The following CCDC102B variants were observed in gnomAD, a reference collection of about 807,000 sequenced individuals.
CCDC102B encodes coiled-coil domain-containing protein 102B.
A neutral mutation model predicts 57.4 loss-of-function variants in CCDC102B; 75 were observed. The ratio of observed to expected loss-of-function variants is 1.31; its 90% confidence interval spans 1.08 to 1.58. The LOEUF (loss-of-function observed/expected upper bound fraction) is 1.58, where lower values mean the gene tolerates loss of function less well. CCDC102B is among the 40% of genes most tolerant of loss of function. CCDC102B has a pLI of 0.00. For synonymous variants in CCDC102B, 206 were observed against 201.9 expected (o/e 1.02, Z -0.17); for missense variants, 636 against 582.6 (o/e 1.09, Z -0.94).
At chr18:68,921,339 C>T (rs1277445221) in intron 6 of CCDC102B, among the ~76,000 whole-genome samples, 2 of 152,028 alleles carry the variant, frequency 1.3e-5, no homozygotes, top group Non-Finnish European at 2.9e-5. Flanking sequence ...AGAGGAGTTT[C>T]CCCACACAAG....
At chr18:68,846,121 G>A (rs1455170654) in intron 3 of CCDC102B, among the ~76,000 whole-genome samples, 192 bp from the exon 4 acceptor site, 1 of 151,770 alleles carries the variant, frequency 6.6e-6, no homozygotes, top group Admixed American at 6.6e-5. Flanking sequence ...AAAGTTAATT[G>A]TCAGAATAAT....
intron 2 of CCDC102B, among the ~76,000 whole-genome samples, chr18:68,773,818 A>G (rs1239256270): frequency 6.6e-6 from 1 of 151,996 alleles, no homozygotes; most frequent in Non-Finnish European, 1.5e-5. Flanking sequence ...AAATGGTATG[A>G]CTGATTTCTT....
At chr18:68,930,638 C>T (rs2041638591) in intron 6 of CCDC102B, among the ~76,000 whole-genome samples, 1 of 151,894 alleles carries the variant, frequency 6.6e-6, no homozygotes, top group South Asian at 2.1e-4. Flanking sequence ...CTATACTCTT[C>T]ACAAAGCCAG....
chr18:68,752,817 T>G (rs1190402800), intron 2 of CCDC102B, among the ~76,000 whole-genome samples: 1 of 152,174 alleles, frequency 6.6e-6, no homozygotes. Context: ...GGTCTGTAGC[T>G]TTATCTTAAT....
At position 68,836,814 on chromosome 18, in the gene CCDC102B, G is replaced by T; in HGVS notation, c.51G>T (p.Gln17His). 6.2e-7 allele frequency: 1 copy of T among 1,613,838 alleles called. No homozygotes were observed. The highest frequency in any genetic ancestry group is 8.5e-7 in the Non-Finnish European group (1 of 1,179,880). The part of the protein sequence containing the change: ...HRLIEETQIF[Q>H]MQQSSIKSRG... ...TAATTGAGGAAACACAGATCTTCCA[G>T]ATGCAACAATCATCAATTAAGTCAC... Residue 17 changes from glutamine (Q) to histidine (H), a missense_variant, in exon 2 of 8, where the codon CAG becomes CAT. Coordinates refer to ENST00000360242, the MANE Select transcript of CCDC102B (RefSeq NM_024781.3).
At chr18:68,715,376 C>G in intron 1 of CCDC102B, 1 of 480,550 alleles carries the variant, frequency 2.1e-6, no homozygotes, top group African/African-American at 2.1e-5. Flanking sequence ...GCTCTGACGA[C>G]GCACTTGCAG....
chr18:68,975,227 C>T (rs2050403534), intron 6 of CCDC102B, among the ~76,000 whole-genome samples: 1 of 152,036 alleles, frequency 6.6e-6, no homozygotes. Flanking sequence ...GTAAATTTTC[C>T]ATGCCCTTTT....
At chr18:68,808,729 T>C (rs62100040) in intron 1 of CCDC102B, among the ~76,000 whole-genome samples, 37,158 of 151,958 alleles carry the variant, frequency 0.24, 4,969 homozygotes, top group East Asian at 0.51. Context: ...CCGCCCACCT[T>C]GGCCTCCCAA....
chr18:68,805,376 G>T (rs1458765501), intron 1 of CCDC102B, among the ~76,000 whole-genome samples: 1 of 152,112 alleles, frequency 6.6e-6, no homozygotes, highest in Non-Finnish European at 1.5e-5. Context: ...GATAGCAATG[G>T]GTGTGTTTTC....
At chr18:69,014,951 A>G (rs28462150) in intron 7 of CCDC102B, among the ~76,000 whole-genome samples, 18,504 of 138,078 alleles carry the variant, frequency 0.13, 2,665 homozygotes, top group African/African-American at 0.37. Context: ...ACTATACTGT[A>G]TGTGAATGAG....
intron 6 of CCDC102B, among the ~76,000 whole-genome samples, chr18:68,944,875 C>T (rs934309025): frequency 6.6e-6 from 1 of 151,956 alleles, no homozygotes; most frequent in South Asian, 2.1e-4. Flanking sequence ...AATAGAACAA[C>T]ATTCTTGACC....
chr18:69,037,443 C>T (rs953105411), intron 7 of CCDC102B, among the ~76,000 whole-genome samples: 6 of 151,910 alleles, frequency 3.9e-5, no homozygotes, highest in East Asian at 1.9e-4. Context: ...CTAATGAAAA[C>T]GACATCTGTC....
At chr18:68,899,425 C>CTATA (rs142222036) in intron 6 of CCDC102B, among the ~76,000 whole-genome samples, 2,265 of 146,812 alleles carry the variant, frequency 0.015, 43 homozygotes, top group East Asian at 0.079. Context: ...TACCATGGTG[C>CTATA]TATATATATA....
At chr18:69,037,048 CACACAT>C (rs1303680125) in intron 7 of CCDC102B, among the ~76,000 whole-genome samples, 1 of 149,132 alleles carries the variant, frequency 6.7e-6, no homozygotes. Context: ...CACACACACA[CACACAT>C]ACATACATAT....
intron 4 of CCDC102B, among the ~76,000 whole-genome samples, chr18:68,852,753 A>G (rs1252179671): frequency 9.9e-5 from 15 of 152,174 alleles, no homozygotes; most frequent in Non-Finnish European, 2.1e-4. Flanking sequence ...TGTAGAAAAG[A>G]TATTGTGCTT....
chr18:69,008,420 C>T (rs1400586387), intron 6 of CCDC102B, among the ~76,000 whole-genome samples: 1 of 152,136 alleles, frequency 6.6e-6, no homozygotes, highest in Non-Finnish European at 1.5e-5. Flanking sequence ...TCTAGCTGCC[C>T]AGACCAAATC....
At chr18:68,982,584 T>C (rs917592786) in intron 6 of CCDC102B, among the ~76,000 whole-genome samples, 1 of 152,026 alleles carries the variant, frequency 6.6e-6, no homozygotes, top group African/African-American at 2.4e-5. Flanking sequence ...TAATTCTCTT[T>C]TCCAATCATA....
intron 6 of CCDC102B, among the ~76,000 whole-genome samples, chr18:68,919,876 A>G (rs966002021): frequency 1.3e-5 from 2 of 152,206 alleles, no homozygotes; most frequent in African/African-American, 4.8e-5. Context: ...TAACCCAGTC[A>G]TAATTACTAA....
chr18:68,991,965 G>C (rs564341740), intron 6 of CCDC102B, among the ~76,000 whole-genome samples: 14 of 152,214 alleles, frequency 9.2e-5, no homozygotes, highest in African/African-American at 2.9e-4. Context: ...ACATAAATAT[G>C]ATGTAAAAAA....
Sources: gnomAD v4.1 joint callset for allele counts (sites outside exome capture counted in the v4.1 genomes callset) on GRCh38, gnomAD v4.1.1 for gene constraint, MANE v1.5 for transcripts, NCBI Gene and HGNC (gene_info 2026-07-23, HGNC 2026-07-21) for gene names.